Variants in FAM135B observed in about 807,000 individuals in gnomAD.
FAM135B encodes the protein protein FAM135B.
In FAM135B, 43 loss-of-function variants were observed where a neutral mutation model predicts 127.7. The observed-to-expected ratio is 0.34, with a 90% confidence interval of 0.26 to 0.43. The LOEUF (loss-of-function observed/expected upper bound fraction) is 0.43, where lower values mean the gene tolerates loss of function less well. Ranked by LOEUF, FAM135B falls within the 20% of genes least tolerant of loss-of-function variation. FAM135B has a pLI of 1.00. For synonymous variants in FAM135B, 670 were observed against 665.1 expected (o/e 1.01, Z -0.11); for missense variants, 1,558 against 1,725.6 (o/e 0.90, Z 1.72).
At chr8:138,175,936 G>C (rs776445340) in intron 11 of FAM135B, among the ~76,000 whole-genome samples, 10 of 152,206 alleles carry the variant, frequency 6.6e-5, no homozygotes, top group Admixed American at 1.3e-4. Flanking sequence ...TTTCTGAGCA[G>C]AGTCTGTGGC....
rs1816322808 is a variant in FAM135B, at chr8:138,132,908, C to A, written c.4016-110G>T. The A allele has an allele frequency of 1.1e-6, 1 of 878,154 alleles. No homozygotes were observed. Among genetic ancestry groups the A allele is most frequent in the Admixed American group, 2.0e-5 (1 of 50,252 alleles). The allele number at this position is 878,154 out of a possible 1,614,324, so 54.4% of individuals were successfully genotyped here. On this transcript the variant is annotated intron_variant, in intron 19 of 19. Transcript: ENST00000395297. The surrounding 1 kb of genome is among the most constrained non-coding windows in gnomAD (Gnocchi z 4.5). ...TCTGTTCCTGGGCAGACCTGTTATACAGCAGTTTCCAACCTCTTCCTAATG... is the reference window on the plus strand; with the variant it reads ...TCTGTTCCTGGGCAGACCTGTTATAAAGCAGTTTCCAACCTCTTCCTAATG...
At chr8:138,135,153 A>G (rs1034470569) in intron 19 of FAM135B, among the ~76,000 whole-genome samples, 1 of 152,190 alleles carries the variant, frequency 6.6e-6, no homozygotes, top group African/African-American at 2.4e-5. Context: ...TATTTACAAA[A>G]TGAGAGATGG....
intron 14 of FAM135B, among the ~76,000 whole-genome samples, chr8:138,147,590 A>G (rs1229392644): frequency 6.6e-6 from 1 of 152,188 alleles, no homozygotes. Flanking sequence ...AAAATTCTGC[A>G]GAGTTTAGAC....
chr8:138,466,556 C>T (rs1444779194), intron 1 of FAM135B, among the ~76,000 whole-genome samples: 1 of 152,084 alleles, frequency 6.6e-6, no homozygotes, highest in Non-Finnish European at 1.5e-5. Context: ...AGAGTGGGGG[C>T]CTGGCACTAG....
At chr8:138,470,788 C>G (rs1213401915) in intron 1 of FAM135B, among the ~76,000 whole-genome samples, 1 of 152,192 alleles carries the variant, frequency 6.6e-6, no homozygotes, top group African/African-American at 2.4e-5. Context: ...TCCCTCAAGA[C>G]ACTGGTCACA....
At chr8:138,438,412 T>A (rs1414244779) in intron 1 of FAM135B, 4 of 152,110 alleles carry the variant, frequency 2.6e-5, no homozygotes, top group African/African-American at 9.7e-5. Context: ...AATATGAGTG[T>A]CTTCAAATAC....
chr8:138,414,401 T>C (rs1834028968), intron 1 of FAM135B, among the ~76,000 whole-genome samples: 1 of 152,090 alleles, frequency 6.6e-6, no homozygotes, highest in Non-Finnish European at 1.5e-5. Context: ...TTTCTTCTAG[T>C]ACAGACTGTT....
chr8:138,243,588 C>T lies in FAM135B; in HGVS notation c.543-520G>A, dbSNP rs763072085. 2.0e-5 allele frequency among the ~76,000 whole-genome samples: 3 copies of T among 152,204 alleles called. No homozygotes were observed. Among genetic ancestry groups the T allele is most frequent in the Non-Finnish European group, 2.9e-5 (2 of 68,042 alleles). On this transcript the variant is annotated intron_variant, in intron 6 of 19. Transcript: ENST00000395297. The surrounding 1 kb of genome is among the most constrained non-coding windows in gnomAD (Gnocchi z 7.5). ...AGCCAGAAAGCACTCGCTGTGTCAACGCTAATTGGGAAGACCATAACCTGC... is the reference window on the plus strand; with the variant it reads ...AGCCAGAAAGCACTCGCTGTGTCAATGCTAATTGGGAAGACCATAACCTGC...
intron 6 of FAM135B, among the ~76,000 whole-genome samples, chr8:138,250,448 T>G (rs1821612183): frequency 6.6e-6 from 1 of 152,204 alleles, no homozygotes; most frequent in Non-Finnish European, 1.5e-5. Context: ...GCCCCTAACA[T>G]GTGCCTGGTA....
chr8:138,228,553 C>G (rs1437257752), intron 7 of FAM135B, among the ~76,000 whole-genome samples: 1 of 152,104 alleles, frequency 6.6e-6, no homozygotes, highest in East Asian at 1.9e-4. Flanking sequence ...GCTTGAGAGA[C>G]ATATGTTGGT....
intron 1 of FAM135B, among the ~76,000 whole-genome samples, chr8:138,382,447 G>A (rs967238186): frequency 6.6e-6 from 1 of 152,122 alleles, no homozygotes; most frequent in South Asian, 2.1e-4. Context: ...TAGTCTCACA[G>A]GGATATGGGG....
At chr8:138,496,440 C>G (rs1815394874) in intron 1 of FAM135B, among the ~76,000 whole-genome samples, 1 of 152,214 alleles carries the variant, frequency 6.6e-6, no homozygotes, top group African/African-American at 2.4e-5. Flanking sequence ...CCCAGCCTCT[C>G]CGCTCCTTTC....
At chr8:138,350,091 A>T (rs184330267) in intron 2 of FAM135B, among the ~76,000 whole-genome samples, 2 of 152,124 alleles carry the variant, frequency 1.3e-5, no homozygotes, top group Non-Finnish European at 2.9e-5. Context: ...TAAAGACTAC[A>T]CTCAGTCACT....
At chr8:138,188,271 C>T (rs569197483) in intron 9 of FAM135B, among the ~76,000 whole-genome samples, 1 of 152,178 alleles carries the variant, frequency 6.6e-6, no homozygotes, top group Non-Finnish European at 1.5e-5. Context: ...TAGAGGAGGG[C>T]ATCATAGGAA....
chr8:138,353,294 G>A (rs576743860), intron 2 of FAM135B, among the ~76,000 whole-genome samples: 1 of 152,266 alleles, frequency 6.6e-6, no homozygotes, highest in African/African-American at 2.4e-5. Flanking sequence ...TTGCACACAA[G>A]GCTCTCTGGC....
intron 7 of FAM135B, among the ~76,000 whole-genome samples, chr8:138,216,490 GA>G (rs1818556602): frequency 6.6e-6 from 1 of 152,174 alleles, no homozygotes; most frequent in Non-Finnish European, 1.5e-5. Context: ...CACTAATGGA[GA>G]AAGGGAAAGG....
intron 1 of FAM135B, among the ~76,000 whole-genome samples, chr8:138,385,638 C>G (rs1044780295): frequency 6.6e-6 from 1 of 151,926 alleles, no homozygotes; most frequent in African/African-American, 2.4e-5. Context: ...TGGTGAAACA[C>G]TGTGTCTACT....
At chr8:138,199,092 T>C (rs1816901392) in intron 7 of FAM135B, among the ~76,000 whole-genome samples, 1 of 151,938 alleles carries the variant, frequency 6.6e-6, no homozygotes, top group Admixed American at 6.5e-5. Flanking sequence ...TGGTCTCCTT[T>C]CTCCTAGCTG....
At chr8:138,422,121 C>A (rs1170919564) in intron 1 of FAM135B, among the ~76,000 whole-genome samples, 1 of 152,032 alleles carries the variant, frequency 6.6e-6, no homozygotes, top group African/African-American at 2.4e-5. Flanking sequence ...AAAGTCAACA[C>A]AAAATGGATT....
Sources: gnomAD v4.1 joint callset for allele counts (sites outside exome capture counted in the v4.1 genomes callset) on GRCh38, gnomAD v4.1.1 for gene constraint, Gnocchi (gnomAD v3.1) non-coding constraint, MANE v1.5 for transcripts, NCBI Gene and HGNC (gene_info 2026-07-23, HGNC 2026-07-21) for gene names.